The following MAP3K15 variants were observed in gnomAD, a reference collection of about 807,000 sequenced individuals.
MAP3K15 encodes the protein MAPK/ERK kinase kinase 15.
In MAP3K15, 124 loss-of-function variants were observed where a neutral mutation model predicts 99.5. That is an observed-to-expected ratio of 1.25 (90% CI 1.08 to 1.45). The LOEUF (loss-of-function observed/expected upper bound fraction) is 1.45, where lower values mean the gene tolerates loss of function less well. MAP3K15 is among the 40% of genes most tolerant of loss of function. MAP3K15 has a pLI of 0.00. For synonymous variants in MAP3K15, 494 were observed against 439.6 expected (o/e 1.12, Z -1.55); for missense variants, 1,242 against 1,079.7 (o/e 1.15, Z -2.11).
At chrX:19,507,575 C>CA (rs1165492097) in intron 1 of MAP3K15, among the ~76,000 whole-genome samples, 846 of 10,879 alleles carry the variant, frequency 0.078, 265 homozygotes, top group Non-Finnish European at 0.097. Context: ...CACCTTGTCT[C>CA]AAAAAAAAAA....
At chrX:19,418,784 G>C (rs1421025147) in intron 9 of MAP3K15, among the ~76,000 whole-genome samples, 2 of 111,969 alleles carry the variant, frequency 1.8e-5, no homozygotes, top group African/African-American at 6.5e-5. Context: ...AGGGAAGCCA[G>C]AGAGAGAGGT....
intron 3 of MAP3K15, among the ~76,000 whole-genome samples, chrX:19,480,479 C>T (rs918128453): frequency 1.7e-4 from 19 of 109,339 alleles, no homozygotes; most frequent in African/African-American, 6.0e-4. Flanking sequence ...GACCCTGTCT[C>T]AAAACAAAAC....
rs2063532008 is a variant in MAP3K15, at chrX:19,392,081, G to C, written c.2352C>G (p.Tyr784Ter). 8.3e-7 allele frequency: 1 copy of C among 1,210,379 alleles called. No homozygotes were observed. The highest frequency in any genetic ancestry group is 1.1e-6 in the Non-Finnish European group (1 of 894,126). ...AATCGGAGATTTTCACCACTCCGCT[G>C]TAGGTGTTCACCAGAACATTATCGC... is the stretch of plus-strand genomic sequence containing the variant. ...IKGDNVLVNT[Y>*]SGVVKISDFG... The change falls in exon 18 of 29, where the codon TAC (tyrosine) becomes TAG (stop). Residue 784 changes from tyrosine to a stop codon, truncating the protein, a stop_gained. Transcript: ENST00000338883. LOFTEE classifies it high-confidence loss of function.
In MAP3K15 at chrX:19,393,128, C is replaced by T. The variant is rs1456866360; in HGVS notation, c.2195-655G>A. 2.7e-5 allele frequency among the ~76,000 whole-genome samples: 3 copies of T among 111,459 alleles called. No individual in the cohort carries two copies. In the East Asian group the frequency reaches 8.5e-4, roughly 32 times the overall value. Reference sequence around the variant, plus strand: ...CCTTAAGGACACTGTGACCACGTCTCGAAGGACATCATGTGAACTGCGGGA... The same window carrying T: ...CCTTAAGGACACTGTGACCACGTCTTGAAGGACATCATGTGAACTGCGGGA... On this transcript the variant is annotated intron_variant, in intron 16 of 28. Transcript: ENST00000338883.
chrX:19,444,184 A>T (rs1483859962), intron 6 of MAP3K15, among the ~76,000 whole-genome samples: 1 of 112,117 alleles, frequency 8.9e-6, no homozygotes, highest in East Asian at 2.8e-4. Context: ...TGTTAAAATA[A>T]TATTTAGTGC....
chrX:19,504,203 T>C (rs2064459719), intron 1 of MAP3K15, among the ~76,000 whole-genome samples: 1 of 111,245 alleles, frequency 9.0e-6, no homozygotes, highest in Admixed American at 9.6e-5. Flanking sequence ...ACAAGCTCTA[T>C]TAGTCAGGAT....
Position 19,439,612 on chromosome X carries a change from G to A in MAP3K15, c.996-8004C>T, listed in dbSNP as rs1044794988. Among the ~76,000 whole-genome samples, 24 of 110,873 alleles carry A rather than the reference G, an allele frequency of 2.2e-4. No individual in the cohort carries two copies. In the Admixed American group the frequency reaches 2.2e-3, roughly 10 times the overall value. Reference sequence around the variant, plus strand: ...CTCCTGAGTAGCTGGGACTATAGGCGTACACCACCAAGGCAAGATAATTTT... The same window carrying A: ...CTCCTGAGTAGCTGGGACTATAGGCATACACCACCAAGGCAAGATAATTTT... On this transcript the variant is annotated intron_variant, in intron 6 of 28. Coordinates refer to ENST00000338883, the MANE Select transcript of MAP3K15 (RefSeq NM_001001671.4).
At chrX:19,423,843 C>T (rs1207838549) in intron 9 of MAP3K15, among the ~76,000 whole-genome samples, 1 of 111,791 alleles carries the variant, frequency 8.9e-6, no homozygotes, top group African/African-American at 3.3e-5. Context: ...TCAGTTCGAC[C>T]TCTAGAGAGG....
At chrX:19,408,325 G>A (rs1429704456) in intron 12 of MAP3K15, among the ~76,000 whole-genome samples, 1 of 111,935 alleles carries the variant, frequency 8.9e-6, no homozygotes, top group Non-Finnish European at 1.9e-5. Context: ...TTGACTACCT[G>A]CTCTAACACA....
intron 9 of MAP3K15, among the ~76,000 whole-genome samples, chrX:19,424,283 CATATATATACACAT>C (rs1208595826): frequency 1.4e-4 from 13 of 94,830 alleles, no homozygotes; most frequent in African/African-American, 5.7e-4. Context: ...TATATACACA[CATATATATACACAT>C]ATATATACAC....
chrX:19,360,064 G>T lies in MAP3K15; in HGVS notation c.*685C>A. Reference sequence around the variant, plus strand: ...GTTCGCGCTGACCATTTCTCTACAAGATACAATATTTATTATCAGGCAAGA... The same window carrying T: ...GTTCGCGCTGACCATTTCTCTACAATATACAATATTTATTATCAGGCAAGA... On this transcript the variant is annotated 3_prime_UTR_variant, in exon 29 of 29. Coordinates refer to ENST00000338883, the MANE Select transcript of MAP3K15 (RefSeq NM_001001671.4). The T allele has an allele frequency of 5.2e-6, 1 of 191,241 alleles. No homozygotes were observed. Among genetic ancestry groups the T allele is most frequent in the African/African-American group, 3.0e-5 (1 of 33,337 alleles). The allele number at this position is 191,241 out of a possible 1,213,427, so 15.8% of individuals were successfully genotyped here.
At chrX:19,506,099 A>T (rs971312181) in intron 1 of MAP3K15, among the ~76,000 whole-genome samples, 2 of 110,806 alleles carry the variant, frequency 1.8e-5, no homozygotes, top group Non-Finnish European at 3.8e-5. Flanking sequence ...CGCCCAGCTA[A>T]TTTTTTATAT....
At chrX:19,433,883 G>A (rs1056093498) in intron 6 of MAP3K15, among the ~76,000 whole-genome samples, 1 of 111,418 alleles carries the variant, frequency 9.0e-6, no homozygotes, top group Non-Finnish European at 1.9e-5. Flanking sequence ...AGATGACTCA[G>A]ATGTCCATTA....
intron 11 of MAP3K15, 51 bp from the exon 12 acceptor site, chrX:19,410,024 T>A: frequency 9.4e-7 from 1 of 1,065,984 alleles, no homozygotes; most frequent in Non-Finnish European, 1.3e-6. Context: ...TTAAAGCAAA[T>A]GATTTTTTTT....
chrX:19,388,145 C>CAGT (rs767567963), intron 18 of MAP3K15, among the ~76,000 whole-genome samples: 1 of 111,584 alleles, frequency 9.0e-6, no homozygotes, highest in Non-Finnish European at 1.9e-5. Context: ...GAGCGTTGAT[C>CAGT]AGTATCAGCC....
chrX:19,472,273 A>G (rs2064213652), intron 3 of MAP3K15, among the ~76,000 whole-genome samples: 1 of 106,348 alleles, frequency 9.4e-6, no homozygotes, highest in African/African-American at 3.4e-5. Context: ...AATAATAAAG[A>G]AATTTCTTCA....
chrX:19,489,146 AT>A (rs1471196408), intron 1 of MAP3K15, among the ~76,000 whole-genome samples, 179 bp from the exon 2 acceptor site: 2 of 111,617 alleles, frequency 1.8e-5, no homozygotes, highest in African/African-American at 3.3e-5. Flanking sequence ...TGCAGTAAGA[AT>A]TTTTTTTAAT....
chrX:19,511,491 C>G (rs1442039278), intron 1 of MAP3K15, among the ~76,000 whole-genome samples: 1 of 111,179 alleles, frequency 9.0e-6, no homozygotes, highest in Admixed American at 9.6e-5. Flanking sequence ...ACAACCCCAT[C>G]AAAAAGTGAG....
At chrX:19,364,642 T>C (rs1229248331) in intron 25 of MAP3K15, among the ~76,000 whole-genome samples, 1 of 111,586 alleles carries the variant, frequency 9.0e-6, no homozygotes, top group African/African-American at 3.3e-5. Context: ...AGCTCAAGCC[T>C]GTAATCCCAG....
Sources: allele counts gnomAD v4.1 joint callset (sites outside exome capture counted in the v4.1 genomes callset), GRCh38; gene constraint gnomAD v4.1.1; transcripts MANE v1.5; gene names NCBI Gene and HGNC (gene_info 2026-07-23, HGNC 2026-07-21).